The following NEK10 variants were observed in gnomAD, a reference collection of about 807,000 sequenced individuals.
NEK10 encodes NIMA related kinase 10, also known as serine/threonine-protein kinase Nek10.
Under a neutral mutation model 159.8 loss-of-function variants are expected in NEK10, and 122 were observed. That is an observed-to-expected ratio of 0.76 (90% confidence interval 0.66 to 0.89). The LOEUF is 0.89. NEK10 is among the 40% of genes least tolerant of loss of function. The pLI is 0.00. For synonymous variants in NEK10, 466 were observed against 457.1 expected (o/e 1.02, Z -0.25); for missense variants, 1,342 against 1,323.1 (o/e 1.01, Z -0.22).
chr3:27,212,965 A>T (rs1951150673), intron 23 of NEK10, among the ~76,000 whole-genome samples: 1 of 152,222 alleles, frequency 6.6e-6, no homozygotes, highest in African/African-American at 2.4e-5. Flanking sequence ...TAGCTATGAC[A>T]GGAAATATCC....
chr3:27,194,125 CTTTT>C (rs71091113), intron 25 of NEK10: 12 of 128,174 alleles, frequency 9.4e-5, no homozygotes, highest in Non-Finnish European at 9.7e-5. Context: ...CAGAGAAATT[CTTTT>C]TTTTTTTTTT....
chr3:27,316,783 GAAAAAAGAAA>G (rs1262453873), intron 6 of NEK10, among the ~76,000 whole-genome samples: 1 of 3,656 alleles, frequency 2.7e-4, no homozygotes, highest in African/African-American at 1.4e-3. Context: ...ACCAAAAAAA[GAAAAAAGAAA>G]AAAAAAGAAA....
intron 23 of NEK10, among the ~76,000 whole-genome samples, chr3:27,238,746 CGTGT>C (rs59740177): frequency 0.047 from 6,426 of 138,010 alleles, 172 homozygotes; most frequent in African/African-American, 0.075. Flanking sequence ...CCTCCCCTTT[CGTGT>C]GTGTGTGTGT....
At chr3:27,191,774 G>A (rs1027890133) in intron 26 of NEK10, among the ~76,000 whole-genome samples, 3 of 152,002 alleles carry the variant, frequency 2.0e-5, no homozygotes, top group Admixed American at 6.5e-5. Context: ...CTTAAACTTC[G>A]CTAAGAGAAC....
At chr3:27,285,269 A>G (rs1454760189) in intron 20 of NEK10, among the ~76,000 whole-genome samples, 2 of 152,188 alleles carry the variant, frequency 1.3e-5, no homozygotes, top group Admixed American at 1.3e-4. Flanking sequence ...GGTGCCACAG[A>G]GAACAAGTAA....
chr3:27,297,212 C>T lies in NEK10; in HGVS notation c.1197G>A (p.Val399=), dbSNP rs1326249005. Residue 399 remains valine, a synonymous_variant, in exon 14 of 36, where the codon GTG becomes GTA. Coordinates refer to ENST00000691995, the MANE Select transcript of NEK10 (RefSeq NM_001394966.1). ...CCTGGTGGGCATTGGTGTCATTGAG[C>T]ACCAGCTCAGTGAGGGCAGCACAGC... ...AACCAALTEL[V]LNDTNAHQVV... The T allele has an allele frequency of 6.2e-7, 1 of 1,613,392 alleles. No homozygotes were observed. Among genetic ancestry groups the T allele is most frequent in the Non-Finnish European group, 8.5e-7 (1 of 1,179,382 alleles).
chr3:27,321,099 A>G (rs1024838755), intron 6 of NEK10, among the ~76,000 whole-genome samples: 1 of 152,132 alleles, frequency 6.6e-6, no homozygotes, highest in Non-Finnish European at 1.5e-5. Flanking sequence ...ATCGAGTTCA[A>G]AATTAAAGGT....
chr3:27,326,165 G>A (rs1297685699), intron 5 of NEK10, among the ~76,000 whole-genome samples: 3 of 152,118 alleles, frequency 2.0e-5, no homozygotes, highest in Non-Finnish European at 2.9e-5. Flanking sequence ...CTAAAAATAT[G>A]GTTATTCTAA....
intron 30 of NEK10, among the ~76,000 whole-genome samples, chr3:27,152,659 C>T (rs185825889): frequency 3.0e-4 from 45 of 151,258 alleles, no homozygotes; most frequent in Non-Finnish European, 6.2e-4. Context: ...AACAGCACCT[C>T]ACATTTCAAT....
At chr3:27,174,314 G>C in intron 28 of NEK10, 125 bp downstream of exon 28, 6 of 1,455,860 alleles carry the variant, frequency 4.1e-6, no homozygotes, top group Non-Finnish European at 2.8e-6. Flanking sequence ...GTCCTAATTA[G>C]CACTGCACCT....
intron 23 of NEK10, 119 bp from the exon 24 acceptor site, chr3:27,202,676 C>T (rs1046903541): frequency 1.6e-6 from 2 of 1,258,654 alleles, no homozygotes; most frequent in Non-Finnish European, 2.1e-6. Flanking sequence ...AACTTAATCA[C>T]TATTTCAGGA....
chr3:27,353,213 T>C (rs1009607151), intron 1 of NEK10, among the ~76,000 whole-genome samples: 3 of 152,176 alleles, frequency 2.0e-5, no homozygotes, highest in East Asian at 1.9e-4. Context: ...CTAATGCAAT[T>C]ATTTTAATTT....
rs542526122 is a variant in NEK10 at position 27,261,364 on chromosome 3, C to T, written c.2015-4993G>A. On this transcript the variant is annotated intron_variant, in intron 22 of 35. Transcript: ENST00000691995. Reference sequence around the variant, plus strand: ...TGCTTTCTCTTGTTGGCATTTAGTGCTATAAATTTCCCTCTACACACTGCT... The same window carrying T: ...TGCTTTCTCTTGTTGGCATTTAGTGTTATAAATTTCCCTCTACACACTGCT... Among the ~76,000 whole-genome samples, 55 of 152,270 alleles carry T rather than the reference C, an allele frequency of 3.6e-4. No individual in the cohort carries two copies. The Middle Eastern group carries it at 0.01, about 28-fold the overall frequency.
chr3:27,171,025 C>A (rs1946934168), intron 29 of NEK10, among the ~76,000 whole-genome samples: 1 of 152,140 alleles, frequency 6.6e-6, no homozygotes, highest in African/African-American at 2.4e-5. Flanking sequence ...ACATTCCCCA[C>A]CAGCTCATTC....
intron 31 of NEK10, among the ~76,000 whole-genome samples, chr3:27,138,360 C>T (rs1274238467): frequency 3.3e-5 from 5 of 152,194 alleles, no homozygotes; most frequent in Admixed American, 6.5e-5. Context: ...AGGGACACTT[C>T]GCTTCAAGTT....
At chr3:27,364,819 G>A (rs1163369292) in intron 1 of NEK10, among the ~76,000 whole-genome samples, 1 of 152,166 alleles carries the variant, frequency 6.6e-6, no homozygotes, top group East Asian at 1.9e-4. Context: ...AATAACAACA[G>A]TCATAATAAG....
intron 23 of NEK10, among the ~76,000 whole-genome samples, chr3:27,234,419 C>G (rs1953674836): frequency 6.6e-6 from 1 of 152,154 alleles, no homozygotes; most frequent in African/African-American, 2.4e-5. Flanking sequence ...AGCAAAGTCT[C>G]AGGATACAAT....
intron 11 of NEK10, among the ~76,000 whole-genome samples, chr3:27,307,034 C>T (rs188680707): frequency 1.6e-3 from 244 of 152,300 alleles, no homozygotes; most frequent in African/African-American, 5.5e-3. Context: ...GTACCCTGTG[C>T]ATCTGTCTAC....
At chr3:27,301,159 T>C (rs2043792330) in intron 13 of NEK10, among the ~76,000 whole-genome samples, 1 of 152,236 alleles carries the variant, frequency 6.6e-6, no homozygotes, top group South Asian at 2.1e-4. Flanking sequence ...GGGCACAAAC[T>C]GCATGACTGC....
Sources: allele counts gnomAD v4.1 joint callset (sites outside exome capture counted in the v4.1 genomes callset), GRCh38; gene constraint gnomAD v4.1.1; transcripts MANE v1.5; gene names NCBI Gene and HGNC (gene_info 2026-07-23, HGNC 2026-07-21).